The following ERC1 variants were observed in gnomAD, a reference collection of about 807,000 sequenced individuals.
The protein encoded by ERC1 is RAB6 interacting protein 2.
Under a neutral mutation model 132.0 loss-of-function variants are expected in ERC1, and 56 were observed. The observed-to-expected ratio is 0.42, with a 90% confidence interval of 0.34 to 0.53. The LOEUF is 0.53. ERC1 is among the 20% of genes least tolerant of loss of function. The probability of loss-of-function intolerance (pLI) is 0.03; values close to 1 mark genes in which losing one functional copy is unlikely to be tolerated. For synonymous variants in ERC1, 478 were observed against 476.1 expected, an observed-to-expected ratio of 1.00 and a Z score of -0.05; for missense variants, 1,202 against 1,349.9, an observed-to-expected ratio of 0.89 and a Z score of 1.72.
intron 8 of ERC1, 143 bp downstream of exon 8, chr12:1,141,930 G>A (rs1171119162): frequency 6.7e-6 from 4 of 594,454 alleles, no homozygotes; most frequent in African/African-American, 1.9e-5. Flanking sequence ...AACTCTTGTT[G>A]CGGTAGGTAG....
intron 12 of ERC1, among the ~76,000 whole-genome samples, chr12:1,228,377 T>C (rs2074764826): frequency 6.6e-6 from 1 of 152,288 alleles, no homozygotes; most frequent in African/African-American, 2.4e-5. Flanking sequence ...CAACTAATTT[T>C]TGTATATTTT....
At chr12:1,451,481 T>G (rs1046072281) in intron 18 of ERC1, among the ~76,000 whole-genome samples, 4 of 152,110 alleles carry the variant, frequency 2.6e-5, no homozygotes, top group African/African-American at 9.7e-5. Context: ...AAAATTTAGC[T>G]GGATACAGTG....
At chr12:1,011,354 C>T (rs558074670) in intron 1 of ERC1, among the ~76,000 whole-genome samples, 13 of 152,202 alleles carry the variant, frequency 8.5e-5, no homozygotes, top group African/African-American at 2.9e-4. Flanking sequence ...CAGGCATGCA[C>T]CACCATGCCC....
At chr12:1,037,364 T>C (rs1565833699) in intron 2 of ERC1, among the ~76,000 whole-genome samples, 2 of 152,356 alleles carry the variant, frequency 1.3e-5, no homozygotes, top group East Asian at 3.9e-4. Context: ...GGGGGTCCTC[T>C]TTATTGTGCA....
intron 15 of ERC1, among the ~76,000 whole-genome samples, chr12:1,357,302 T>C (rs2085637466): frequency 6.6e-6 from 1 of 152,220 alleles, no homozygotes; most frequent in Admixed American, 6.5e-5. Context: ...AGACGTGGAA[T>C]GCAGCACAGG....
rs540807965 is a variant in ERC1, at chr12:1,170,082, G to GA, written c.1738-10451dup. 2.6e-3 allele frequency among the ~76,000 whole-genome samples: 396 copies of GA among 152,120 alleles called. 1 individual carries two copies. Among genetic ancestry groups the GA allele is most frequent in the Non-Finnish European group, 4.0e-3 (269 of 67,966 alleles). On this transcript the variant is annotated intron_variant, in intron 8 of 18. Transcript: ENST00000360905. ...GAAAAGTATGGAAAAGCTATAAAAA[G>GA]AAAAAAATCTGTGTAAAAATAAACT...
chr12:1,265,741 A>G (rs574689987), intron 14 of ERC1, among the ~76,000 whole-genome samples: 1 of 152,186 alleles, frequency 6.6e-6, no homozygotes, highest in Admixed American at 6.5e-5. Flanking sequence ...CCGTCTCCCC[A>G]GTCCGTGATC....
intron 1 of ERC1, among the ~76,000 whole-genome samples, chr12:1,001,585 T>A (rs1962291221): frequency 6.6e-6 from 1 of 152,182 alleles, no homozygotes; most frequent in South Asian, 2.1e-4. Context: ...TTTTTTTGTG[T>A]GTGTAGACCT....
At chr12:1,013,448 C>A (rs920720421) in intron 1 of ERC1, among the ~76,000 whole-genome samples, 32 of 151,944 alleles carry the variant, frequency 2.1e-4, no homozygotes, top group African/African-American at 7.5e-4. Flanking sequence ...TAAAAAAAGG[C>A]GAAATAGTAA....
In ERC1 at chr12:1,194,815, G is replaced by T. The variant is rs188879055; in HGVS notation, c.2351+4763G>T. The stretch of plus-strand genomic sequence containing the variant: ...CAGAGGTTGCCTTTGGTTTATCAAA[G>T]TTAGAAATTTTCAGTGATCCAAAGA... On this transcript the variant is annotated intron_variant, in intron 12 of 18. Coordinates refer to ENST00000360905, the MANE Select transcript of ERC1 (RefSeq NM_178040.4). Among the ~76,000 whole-genome samples the T allele has an allele frequency of 6.3e-4, 96 of 152,204 alleles. 1 individual carries two copies. The highest frequency in any genetic ancestry group is 1.3e-4 in the Non-Finnish European group (9 of 68,000).
intron 17 of ERC1, among the ~76,000 whole-genome samples, chr12:1,420,924 G>GT (rs963559745): frequency 2.0e-5 from 3 of 148,060 alleles, no homozygotes; most frequent in African/African-American, 7.5e-5. Context: ...TGGTTTGGGG[G>GT]GGGGGGGGGT....
At chr12:1,468,536 AG>A (rs1200999853) in intron 18 of ERC1, among the ~76,000 whole-genome samples, 2 of 152,170 alleles carry the variant, frequency 1.3e-5, no homozygotes, top group Non-Finnish European at 2.9e-5. Context: ...CGGGAGGTGG[AG>A]GTTGCAGTGA....
At chr12:1,150,957 A>G (rs1389585178) in intron 8 of ERC1, among the ~76,000 whole-genome samples, 1 of 152,238 alleles carries the variant, frequency 6.6e-6, no homozygotes, top group Non-Finnish European at 1.5e-5. Flanking sequence ...AGAATAATGT[A>G]TCCGTGTTGA....
At chr12:1,311,135 CT>C (rs1316054436) in intron 15 of ERC1, among the ~76,000 whole-genome samples, 1 of 152,224 alleles carries the variant, frequency 6.6e-6, no homozygotes, top group African/African-American at 2.4e-5. Context: ...TGTTTTGTAA[CT>C]TTTAGTAGTT....
intron 1 of ERC1, among the ~76,000 whole-genome samples, chr12:1,025,615 T>C (rs1194916410): frequency 2.0e-5 from 3 of 152,174 alleles, no homozygotes; most frequent in Non-Finnish European, 4.4e-5. Flanking sequence ...TTTATATCTT[T>C]AATGTATATG....
In ERC1 at chr12:1,342,032, A is replaced by G. The variant is rs187814310; in HGVS notation, c.2781-29801A>G. On this transcript the variant is annotated intron_variant, in intron 15 of 18. Transcript: ENST00000360905. ...GGATGGTTTTTACCTGTCCAAATCT[A>G]TGGAGAAATACACAAAACAGGAGAT... 6.3e-3 allele frequency among the ~76,000 whole-genome samples: 965 copies of G among 152,194 alleles called. 3 individuals are homozygous for G. Among genetic ancestry groups the G allele is most frequent in the African/African-American group, 0.02 (830 of 41,544 alleles).
intron 18 of ERC1, among the ~76,000 whole-genome samples, chr12:1,456,395 T>C (rs910747866): frequency 6.6e-6 from 1 of 152,148 alleles, no homozygotes; most frequent in Admixed American, 6.5e-5. Flanking sequence ...GGGTTTCCTG[T>C]CTGTAGATTC....
In ERC1 at chr12:1,444,552, T is replaced by A. The variant is rs776706755; in HGVS notation, c.3025-10T>A. On this transcript the variant is annotated splice_polypyrimidine_tract_variant and intron_variant, in intron 17 of 18. Coordinates refer to ENST00000360905, the MANE Select transcript of ERC1 (RefSeq NM_178040.4). ...ATTTTATTTTATTTTATTTTATTTT[T>A]TTGCCTTAGATCATCCAGCCCCTCT... is the stretch of plus-strand genomic sequence containing the variant. The A allele has an allele frequency of 9.6e-6, 15 of 1,559,016 alleles. No homozygotes were observed. The highest frequency in any genetic ancestry group is 1.7e-4 in the Middle Eastern group (1 of 5,806).
At chr12:1,115,700 GGTTGGGGA>G in intron 6 of ERC1, 158 bp from the exon 7 acceptor site, 1 of 536,340 alleles carries the variant, frequency 1.9e-6, no homozygotes, top group South Asian at 3.7e-5. Context: ...TTTGGCTCAG[GGTTGGGGA>G]GATCCAAGGT....
Sources: allele counts gnomAD v4.1 joint callset (sites outside exome capture counted in the v4.1 genomes callset), GRCh38; gene constraint gnomAD v4.1.1; transcripts MANE v1.5; gene names NCBI Gene and HGNC (gene_info 2026-07-23, HGNC 2026-07-21).